Variants in LHFPL2 observed in about 807,000 individuals in gnomAD.
LHFPL2 encodes the protein LHFPL tetraspan subfamily member 2, also known as LHFPL tetraspan subfamily member 2 protein.
Under a neutral mutation model 17.5 loss-of-function variants are expected in LHFPL2, and 7 were observed. That is an observed-to-expected ratio of 0.40 (90% CI 0.23 to 0.75). The LOEUF (loss-of-function observed/expected upper bound fraction) is 0.75, where lower values mean the gene tolerates loss of function less well. Ranked by LOEUF, LHFPL2 falls within the 30% of genes least tolerant of loss-of-function variation. The probability of loss-of-function intolerance (pLI) is 0.37; values close to 1 mark genes in which losing one functional copy is unlikely to be tolerated. For synonymous variants in LHFPL2, 134 were observed against 116.2 expected, an observed-to-expected ratio of 1.15 and a Z score of -0.99; for missense variants, 241 against 294.8, an observed-to-expected ratio of 0.82 and a Z score of 1.34.
At chr5:78,588,968 T>C (rs1367230107) in intron 2 of LHFPL2, among the ~76,000 whole-genome samples, 8 of 152,134 alleles carry the variant, frequency 5.3e-5, no homozygotes, top group Non-Finnish European at 1.2e-4. Context: ...GACTAATATA[T>C]ATTGTTACAT....
In LHFPL2 at chr5:78,512,681, C is replaced by T. The variant is rs141715416; in HGVS notation, c.-185-2283G>A. Among the ~76,000 whole-genome samples, 47 of 151,992 alleles carry T rather than the reference C, an allele frequency of 3.1e-4. No individual in the cohort carries two copies. The East Asian group carries it at 7.7e-3, about 25-fold the overall frequency. ...GCCCAGCCTGTTGAGAGCTATAAAG[C>T]CTTCCCATTTGATTAGAAAACCATT... On this transcript the variant is annotated intron_variant, in intron 3 of 4. Coordinates refer to ENST00000380345, the MANE Select transcript of LHFPL2 (RefSeq NM_005779.3).
intron 2 of LHFPL2, among the ~76,000 whole-genome samples, chr5:78,570,361 C>A (rs1347776622): frequency 7.2e-5 from 11 of 152,056 alleles, no homozygotes; most frequent in Non-Finnish European, 1.3e-4. Flanking sequence ...GCGCAGGAGG[C>A]AAGGAGGAAT....
chr5:78,645,580 ACACACACACAC>A (rs1372717565), intron 1 of LHFPL2, among the ~76,000 whole-genome samples: 1 of 150,074 alleles, frequency 6.7e-6, no homozygotes, highest in African/African-American at 2.5e-5. Flanking sequence ...ACACACACAC[ACACACACACAC>A]ATTTTTTTTG....
chr5:78,494,605 G>A, intron 4 of LHFPL2: 1 of 703,814 alleles, frequency 1.4e-6, no homozygotes, highest in Non-Finnish European at 1.7e-6. Flanking sequence ...ACCTCCAGCT[G>A]GAGACAGAGC....
At chr5:78,631,894 C>T (rs941286304) in intron 2 of LHFPL2, among the ~76,000 whole-genome samples, 2 of 149,930 alleles carry the variant, frequency 1.3e-5, no homozygotes, top group African/African-American at 5.0e-5. Context: ...CAAGATCACG[C>T]CACTGCACTC....
intron 2 of LHFPL2, among the ~76,000 whole-genome samples, 157 bp from the exon 3 acceptor site, chr5:78,565,028 C>T (rs1003355381): frequency 6.6e-6 from 1 of 152,120 alleles, no homozygotes; most frequent in African/African-American, 2.4e-5. Context: ...ACGGCCACTC[C>T]CCCCAGGAAC....
chr5:78,612,213 T>A (rs1314669478), intron 2 of LHFPL2, among the ~76,000 whole-genome samples: 1 of 152,218 alleles, frequency 6.6e-6, no homozygotes, highest in Non-Finnish European at 1.5e-5. Context: ...ACTTCTCCCA[T>A]CCGATTAAAG....
At chr5:78,644,126 T>C (rs1745778228) in intron 1 of LHFPL2, 1 of 494,918 alleles carries the variant, frequency 2.0e-6, no homozygotes, top group Non-Finnish European at 3.6e-6. Context: ...GGTAGTGTGT[T>C]AACTATACAA....
chr5:78,594,493 G>A (rs750610661), intron 2 of LHFPL2, among the ~76,000 whole-genome samples: 5 of 152,194 alleles, frequency 3.3e-5, no homozygotes, highest in Non-Finnish European at 7.3e-5. Flanking sequence ...AAAACAAGCA[G>A]CTGACACACA....
At chr5:78,527,363 G>GTTTTTT (rs35135294) in intron 3 of LHFPL2, among the ~76,000 whole-genome samples, 4 of 108,100 alleles carry the variant, frequency 3.7e-5, no homozygotes, top group Non-Finnish European at 3.7e-5. Context: ...CTGATGAGGA[G>GTTTTTT]TTTTTTTTTT....
chr5:78,512,908 C>G (rs528152441), intron 3 of LHFPL2, among the ~76,000 whole-genome samples: 1 of 152,066 alleles, frequency 6.6e-6, no homozygotes, highest in South Asian at 2.1e-4. Flanking sequence ...GCACACACGA[C>G]CATGCCTGGC....
chr5:78,546,946 CTG>C (rs1756295038), intron 3 of LHFPL2, among the ~76,000 whole-genome samples: 2 of 151,712 alleles, frequency 1.3e-5, no homozygotes, highest in African/African-American at 4.8e-5. Flanking sequence ...GCATGAAACA[CTG>C]TTTACAGAAT....
intron 2 of LHFPL2, among the ~76,000 whole-genome samples, chr5:78,608,890 C>A (rs953341690): frequency 4.6e-5 from 7 of 151,124 alleles, no homozygotes; most frequent in African/African-American, 1.7e-4. Flanking sequence ...CAAGACTGAG[C>A]CACTGCACTC....
intron 2 of LHFPL2, among the ~76,000 whole-genome samples, chr5:78,621,044 T>C (rs912916288): frequency 1.2e-4 from 18 of 151,748 alleles, no homozygotes; most frequent in African/African-American, 4.4e-4. Context: ...CTCGGCTCAC[T>C]GCAACCTCTG....
In LHFPL2 at chr5:78,510,257, A is replaced by C. The variant is rs1202934703; in HGVS notation, c.-44T>G. On this transcript the variant is annotated 5_prime_UTR_variant, in exon 4 of 5. The change creates a new upstream start codon in the 5' untranslated region. Transcript: ENST00000380345. ...GAAAGAGTCAGGAGTCCACGGAGTT[A>C]ATCAAAACAAGAAAGTCGGTGGGGA... 1.3e-6 allele frequency: 2 copies of C among 1,516,020 alleles called. No individual in the cohort carries two copies. Among genetic ancestry groups the C allele is most frequent in the African/African-American group, 1.4e-5 (1 of 71,886 alleles). 93.9% of individuals were successfully genotyped at this position (1,516,020 alleles called of 1,614,324 possible). A position where few individuals can be genotyped will look rare whatever the true frequency, so the allele number is the denominator to read the frequency against.
intron 3 of LHFPL2, among the ~76,000 whole-genome samples, chr5:78,538,870 G>C (rs1756023973): frequency 6.6e-6 from 1 of 152,104 alleles, no homozygotes; most frequent in Non-Finnish European, 1.5e-5. Flanking sequence ...CCTTTGTACT[G>C]TCCAGTGACC....
chr5:78,490,448 T>A (rs1415624611), intron 4 of LHFPL2, among the ~76,000 whole-genome samples: 1 of 152,052 alleles, frequency 6.6e-6, no homozygotes, highest in African/African-American at 2.4e-5. Flanking sequence ...CTTTAAAACT[T>A]TCTTGGTAAC....
At chr5:78,529,905 C>T (rs1678331756) in intron 3 of LHFPL2, among the ~76,000 whole-genome samples, 1 of 152,208 alleles carries the variant, frequency 6.6e-6, no homozygotes, top group African/African-American at 2.4e-5. Flanking sequence ...TCCAACAGCA[C>T]TTGTCTTTTT....
At chr5:78,561,768 C>T (rs1464058230) in intron 3 of LHFPL2, among the ~76,000 whole-genome samples, 2 of 152,190 alleles carry the variant, frequency 1.3e-5, no homozygotes, top group African/African-American at 4.8e-5. Flanking sequence ...TCAGAGAAAT[C>T]AGGTGAGATA....
Sources: allele counts gnomAD v4.1 joint callset (sites outside exome capture counted in the v4.1 genomes callset), GRCh38; gene constraint gnomAD v4.1.1; transcripts MANE v1.5; gene names NCBI Gene and HGNC (gene_info 2026-07-23, HGNC 2026-07-21).